ESRRG: variants seen among roughly 807,000 people sequenced by gnomAD.
The protein encoded by ESRRG is estrogen-related receptor gamma.
A neutral mutation model predicts 44.0 loss-of-function variants in ESRRG; 13 were observed. The ratio of observed to expected loss-of-function variants is 0.30; its 90% CI spans 0.19 to 0.47. The LOEUF is 0.47. ESRRG is among the 20% of genes least tolerant of loss of function. The pLI is 1.00. For synonymous variants in ESRRG, 215 were observed against 214.6 expected (o/e 1.00, Z -0.02); for missense variants, 395 against 580.6 (o/e 0.68, Z 3.29).
chr1:216,728,480 G>C (rs935206208), intron 2 of ESRRG, among the ~76,000 whole-genome samples: 4 of 151,798 alleles, frequency 2.6e-5, no homozygotes, highest in East Asian at 3.9e-4. Context: ...CAAAATAAAG[G>C]GTAGCTTAAC....
At chr1:216,706,367 TA>T (rs1368848800) in intron 1 of ESRRG, among the ~76,000 whole-genome samples, 1 of 152,170 alleles carries the variant, frequency 6.6e-6, no homozygotes, top group African/African-American at 2.4e-5. Flanking sequence ...AGTGCTTACA[TA>T]AAGGTCCTTT....
At position 216,878,897 on chromosome 1, in the gene ESRRG, C is replaced by T. The variant is rs564637635; in HGVS notation, c.-14+60685G>A. ...CCACATAAGTTTCAGATTTACGCAT[C>T]GTATTTATCCTTATATTTCCCAGTA... is the stretch of plus-strand genomic sequence containing the variant. On this transcript the variant is annotated intron_variant, in intron 2 of 7. Coordinates refer to the ESRRG transcript ENST00000359162. Among the ~76,000 whole-genome samples the T allele has an allele frequency of 1.4e-4, 21 of 152,258 alleles. No individual in the cohort carries two copies. In the South Asian group the frequency reaches 4.2e-3, roughly 30 times the overall value.
chr1:217,131,143 A>G (rs956593976), intron 1 of ESRRG, among the ~76,000 whole-genome samples: 1 of 152,210 alleles, frequency 6.6e-6, no homozygotes, highest in African/African-American at 2.4e-5. Flanking sequence ...AGTTCTGAAA[A>G]TAAGTTCAGT....
chr1:216,585,381 T>C (rs997699347), intron 3 of ESRRG, among the ~76,000 whole-genome samples: 8 of 152,176 alleles, frequency 5.3e-5, no homozygotes, highest in African/African-American at 1.9e-4. Flanking sequence ...GTCTCTAAGT[T>C]TGACTCATAC....
At chr1:216,556,525 A>G (rs550087323) in intron 5 of ESRRG, among the ~76,000 whole-genome samples, 1 of 152,322 alleles carries the variant, frequency 6.6e-6, no homozygotes, top group Non-Finnish European at 1.5e-5. Context: ...TCCAATTTTA[A>G]TCTTTTCAAA....
intron 2 of ESRRG, among the ~76,000 whole-genome samples, chr1:216,780,279 C>T (rs1257847181): frequency 6.6e-6 from 1 of 151,906 alleles, no homozygotes; most frequent in East Asian, 1.9e-4. Context: ...TAAAGGAGTA[C>T]TGTCAAAGCT....
chr1:216,661,675 C>T (rs939385512), intron 2 of ESRRG, among the ~76,000 whole-genome samples: 5 of 152,100 alleles, frequency 3.3e-5, no homozygotes, highest in African/African-American at 1.2e-4. Flanking sequence ...ACAAGTATAA[C>T]CCTTTCTAAT....
intron 5 of ESRRG, among the ~76,000 whole-genome samples, chr1:216,530,618 G>C (rs147754269): frequency 1.0e-3 from 153 of 152,100 alleles, no homozygotes; most frequent in African/African-American, 3.5e-3. Context: ...ATTTCATATG[G>C]GTTAACCTAA....
Position 217,088,398 on chromosome 1 carries a change from CTTTTTTTTTTTTTTTTTTT to C in ESRRG, c.-106+1090_-106+1108del, listed in dbSNP as rs71585811. 4.2e-4 allele frequency among the ~76,000 whole-genome samples: 25 copies of C among 59,738 alleles called. 2 individuals are homozygous for C. Among genetic ancestry groups the C allele is most frequent in the African/African-American group, 1.7e-3 (24 of 13,784 alleles). The allele number at this position is 59,738 out of a possible 152,430, so 39.2% of individuals were successfully genotyped here. A position where few individuals can be genotyped will look rare whatever the true frequency, so the allele number is the denominator to read the frequency against. ...TGCTGAGAATTTCTTTTTTTCCTGT[CTTTTTTTTTTTTTTTTTTT>C]TTTTTTTTTGAGAGAGAGAGAGAGA... On this transcript the variant is annotated intron_variant, in intron 1 of 7. Transcript: ENST00000359162.
At chr1:216,945,988 C>T (rs2065993186) in intron 1 of ESRRG, among the ~76,000 whole-genome samples, 1 of 152,118 alleles carries the variant, frequency 6.6e-6, no homozygotes, top group South Asian at 2.1e-4. Context: ...TTTTCACCAT[C>T]ATAAGGAAAT....
intron 2 of ESRRG, among the ~76,000 whole-genome samples, chr1:216,662,523 G>A (rs958476419): frequency 1.3e-5 from 2 of 152,078 alleles, no homozygotes; most frequent in Non-Finnish European, 2.9e-5. Context: ...AATAAAATCT[G>A]TATACCTGAA....
intron 5 of ESRRG, among the ~76,000 whole-genome samples, chr1:216,560,505 G>C (rs1257411073): frequency 6.6e-6 from 1 of 152,078 alleles, no homozygotes; most frequent in Non-Finnish European, 1.5e-5. Flanking sequence ...AGCTAACATG[G>C]GTTATGCTTT....
At chr1:216,519,089 A>C in intron 6 of ESRRG, 63 bp downstream of exon 6, 1 of 1,450,676 alleles carries the variant, frequency 6.9e-7, no homozygotes, top group Non-Finnish European at 9.5e-7. Flanking sequence ...TAAAGAAGTT[A>C]AGGAGAGGGG....
intron 3 of ESRRG, among the ~76,000 whole-genome samples, chr1:216,621,771 G>A (rs1228259602): frequency 6.6e-6 from 1 of 152,210 alleles, no homozygotes; most frequent in African/African-American, 2.4e-5. Context: ...CTCATGAAGT[G>A]ATTATTGCTC....
At chr1:216,683,557 TA>T (rs1319352110) in intron 1 of ESRRG, among the ~76,000 whole-genome samples, 1 of 152,178 alleles carries the variant, frequency 6.6e-6, no homozygotes, top group Non-Finnish European at 1.5e-5. Flanking sequence ...GAGATAGAGC[TA>T]TGTAATGTGG....
At chr1:217,024,724 G>A (rs1486531795) in intron 1 of ESRRG, among the ~76,000 whole-genome samples, 1 of 151,878 alleles carries the variant, frequency 6.6e-6, no homozygotes, top group Non-Finnish European at 1.5e-5. Flanking sequence ...AGCAGTTGTA[G>A]GAATAATAAG....
chr1:217,046,933 G>C (rs1325605640), intron 1 of ESRRG, among the ~76,000 whole-genome samples: 1 of 152,054 alleles, frequency 6.6e-6, no homozygotes, highest in Non-Finnish European at 1.5e-5. Flanking sequence ...ATTGGAAAGA[G>C]ACAAAATTAT....
intron 5 of ESRRG, among the ~76,000 whole-genome samples, chr1:216,523,506 T>A (rs1029268327): frequency 8.9e-6 from 1 of 112,354 alleles, no homozygotes; most frequent in Non-Finnish European, 1.7e-5. Flanking sequence ...TTTTTTGTTT[T>A]TTTTTTTTTT....
Position 216,744,425 on chromosome 1 carries a change from A to C in ESRRG, c.-13-66934T>G, listed in dbSNP as rs372909605. Among the ~76,000 whole-genome samples the C allele has an allele frequency of 3.3e-5, 5 of 152,044 alleles. No individual in the cohort carries two copies. The East Asian group carries it at 7.8e-4, about 24-fold the overall frequency. Reference sequence around the variant, plus strand: ...CATAGGGTAACTCATTCGATGTTTTAATCAACTCCATCCCATCTGAGTCTA... The same window carrying C: ...CATAGGGTAACTCATTCGATGTTTTCATCAACTCCATCCCATCTGAGTCTA... On this transcript the variant is annotated intron_variant, in intron 2 of 7. Coordinates refer to the ESRRG transcript ENST00000359162.
Sources: gnomAD v4.1 joint callset for allele counts (sites outside exome capture counted in the v4.1 genomes callset) on GRCh38, gnomAD v4.1.1 for gene constraint, MANE v1.5 for transcripts, NCBI Gene and HGNC (gene_info 2026-07-23, HGNC 2026-07-21) for gene names.